NEDD1: variants seen among roughly 807,000 people sequenced by gnomAD.
The protein encoded by NEDD1 is NEDD1 gamma-tubulin ring complex targeting factor.
In NEDD1, 33 loss-of-function variants were observed where a neutral mutation model predicts 74.0. That is an observed-to-expected ratio of 0.45 (90% CI 0.34 to 0.60). The LOEUF (loss-of-function observed/expected upper bound fraction) is 0.60, where lower values mean the gene tolerates loss of function less well. Among genes scored for constraint, NEDD1 ranks in the 20% least tolerant of loss-of-function variants. The probability of loss-of-function intolerance (pLI) is 0.01; values close to 1 mark genes in which losing one functional copy is unlikely to be tolerated. For missense variants in NEDD1, 746 were observed against 776.5 expected (o/e 0.96, Z 0.47); for synonymous variants, 250 against 264.4 (o/e 0.95, Z 0.53).
At chr12:96,942,367 T>TA (rs1482175096) in intron 10 of NEDD1, among the ~76,000 whole-genome samples, 2 of 152,108 alleles carry the variant, frequency 1.3e-5, no homozygotes, top group African/African-American at 4.8e-5. Context: ...ACTATAGAAT[T>TA]ATCTGTTCAT....
intron 9 of NEDD1, among the ~76,000 whole-genome samples, chr12:96,939,282 A>T (rs545260891): frequency 3.9e-4 from 59 of 152,128 alleles, no homozygotes; most frequent in Middle Eastern, 3.4e-3. Flanking sequence ...TTTTCAAATG[A>T]TACCAAACTT....
chr12:96,935,170 T>C lies in NEDD1; in HGVS notation c.684T>C (p.Asp228=), dbSNP rs1876963599. ...TGCTCTTTGTAACCATAGGCTTGGA[T>C]AAAAGAATCATCCTCTATGACACTT... ...NELLFVTIGL[D]KRIILYDTSS... The change falls in exon 7 of 16, where the codon GAT becomes GAC. Residue 228 remains aspartate (D), a synonymous_variant. Coordinates refer to ENST00000266742, the MANE Select transcript of NEDD1 (RefSeq NM_152905.4). The C allele has an allele frequency of 6.8e-6, 11 of 1,609,162 alleles. No homozygotes were observed. In the East Asian group the frequency reaches 2.5e-4, roughly 36 times the overall value.
chr12:96,914,749 A>G (rs1874268895), intron 4 of NEDD1, among the ~76,000 whole-genome samples: 1 of 152,130 alleles, frequency 6.6e-6, no homozygotes, highest in South Asian at 2.1e-4. Flanking sequence ...CACCTCTTTA[A>G]AGTAGAATGT....
Position 96,935,199 on chromosome 12 carries a change from G to T in NEDD1, c.713G>T (p.Ser238Ile). ...AGAATCATCCTCTATGACACTTCAA[G>T]TAAGAAGTAAGTGTGACATGCTTAT... ...DKRIILYDTS[S>I]KKLVKTLVAD... The change falls in exon 7 of 16, where the codon AGT (serine) becomes ATT (isoleucine). Residue 238 changes from serine (S) to isoleucine (I), a missense_variant. Transcript: ENST00000266742. 1.3e-6 allele frequency: 2 copies of T among 1,506,716 alleles called. No homozygotes were observed. The highest frequency in any genetic ancestry group is 3.3e-5 in the Admixed American group (2 of 59,898). The allele number at this position is 1,506,716 out of a possible 1,614,324, so 93.3% of individuals were successfully genotyped here. A position where few individuals can be genotyped will look rare whatever the true frequency, so the allele number is the denominator to read the frequency against.
chr12:96,951,198 C>G (rs1878672816), intron 14 of NEDD1, among the ~76,000 whole-genome samples: 1 of 151,726 alleles, frequency 6.6e-6, no homozygotes, highest in South Asian at 2.1e-4. Context: ...TAAAATGGAC[C>G]TGTAATAATT....
At position 96,937,270 on chromosome 12, in the gene NEDD1, A is replaced by G. The variant is rs2136590989; in HGVS notation, c.994A>G (p.Ser332Gly). The G allele has an allele frequency of 1.2e-6, 2 of 1,612,642 alleles. No individual in the cohort carries two copies. Among genetic ancestry groups the G allele is most frequent in the Non-Finnish European group, 1.7e-6 (2 of 1,178,832 alleles). The change falls in exon 9 of 16, where the codon AGT (serine) becomes GGT (glycine). Residue 332 changes from serine (S) to glycine (G), a missense_variant. By Grantham distance (56) the Ser-to-Gly change is moderately conservative. Around this residue, in one of 3 missense-constraint regions of NEDD1, gnomAD observed 706 missense variants for 706.7 expected, o/e 1.00. Coordinates refer to ENST00000266742, the MANE Select transcript of NEDD1 (RefSeq NM_152905.4). ...NKRSVNVNAASGGVQNSGIVR... is the reference protein window; with the variant it reads ...NKRSVNVNAAGGGVQNSGIVR... ...ACGAAGTGTTAATGTGAATGCTGCT[A>G]GTGGAGGAGTTCAGAATTCCGGAAT...
chr12:96,939,860 A>G (rs1448397758), intron 9 of NEDD1, among the ~76,000 whole-genome samples: 1 of 151,968 alleles, frequency 6.6e-6, no homozygotes, highest in African/African-American at 2.4e-5. Flanking sequence ...GTCATTTGAG[A>G]TCTGTAATGC....
chr12:96,939,705 A>C (rs888528765), intron 9 of NEDD1, among the ~76,000 whole-genome samples: 1 of 152,040 alleles, frequency 6.6e-6, no homozygotes, highest in African/African-American at 2.4e-5. Flanking sequence ...GCTCCTCTTA[A>C]AAGGTCCCTA....
intron 6 of NEDD1, among the ~76,000 whole-genome samples, 163 bp from the exon 7 acceptor site, chr12:96,934,813 C>T (rs1876918055): frequency 1.3e-5 from 2 of 152,146 alleles, no homozygotes; most frequent in African/African-American, 2.4e-5. Flanking sequence ...GCTGGGATTA[C>T]AGGCGTGAGC....
chr12:96,945,621 A>G (rs1878115593), intron 13 of NEDD1, 72 bp from the exon 14 acceptor site: 2 of 971,214 alleles, frequency 2.1e-6, no homozygotes, highest in East Asian at 2.5e-5. Context: ...CACATGCCAA[A>G]TCTTATTTAG....
chr12:96,952,166 A>G lies in NEDD1; in HGVS notation c.*113A>G. The stretch of plus-strand genomic sequence containing the variant: ...CCAGGGAAAAAATGTTTTTCAAGTA[A>G]GAGTAAAAGGATGATGGGATTTTAT... On this transcript the variant is annotated 3_prime_UTR_variant, in exon 16 of 16. Coordinates refer to ENST00000266742, the MANE Select transcript of NEDD1 (RefSeq NM_152905.4). 1.6e-6 allele frequency: 1 copy of G among 643,160 alleles called. No homozygotes were observed. Among genetic ancestry groups the G allele is most frequent in the Non-Finnish European group, 2.8e-6 (1 of 362,064 alleles). 39.8% of individuals were successfully genotyped at this position (643,160 alleles called of 1,614,324 possible). A position where few individuals can be genotyped will look rare whatever the true frequency, so the allele number is the denominator to read the frequency against.
chr12:96,927,953 A>G (rs1476140262), intron 6 of NEDD1, among the ~76,000 whole-genome samples: 3 of 152,088 alleles, frequency 2.0e-5, no homozygotes, highest in African/African-American at 4.8e-5. Context: ...TTGATTCTCT[A>G]TATATTTCTG....
At chr12:96,940,924 C>T (rs1866078047) in intron 10 of NEDD1, among the ~76,000 whole-genome samples, 1 of 151,964 alleles carries the variant, frequency 6.6e-6, no homozygotes. Context: ...TATAGGTGTA[C>T]ACCTCCCACC....
At chr12:96,912,652 C>T (rs1046812111) in intron 3 of NEDD1, 71 bp from the exon 4 acceptor site, 15 of 750,042 alleles carry the variant, frequency 2.0e-5, no homozygotes, top group Non-Finnish European at 2.8e-5. Context: ...CTTTTATAAT[C>T]GCAATTCTTA....
intron 5 of NEDD1, among the ~76,000 whole-genome samples, chr12:96,918,833 T>C (rs1305349495): frequency 6.6e-6 from 1 of 152,174 alleles, no homozygotes; most frequent in African/African-American, 2.4e-5. Context: ...ATTTCCCAAA[T>C]GGGAACGATA....
chr12:96,909,468 A>G lies in NEDD1; in HGVS notation c.-8-284A>G, dbSNP rs115330326. On this transcript the variant is annotated intron_variant, in intron 2 of 15. Transcript: ENST00000266742. ...CTTTGCATGAGGCAGAGAGAAGGCC[A>G]GTGAAAAGAAAGAGGAGAGTTACAT... 9.6e-3 allele frequency among the ~76,000 whole-genome samples: 1,460 copies of G among 152,278 alleles called. 22 individuals are homozygous for G. Among genetic ancestry groups the G allele is most frequent in the African/African-American group, 0.032 (1,309 of 41,544 alleles).
At chr12:96,921,218 G>T (rs1258637978) in intron 6 of NEDD1, among the ~76,000 whole-genome samples, 1 of 152,140 alleles carries the variant, frequency 6.6e-6, no homozygotes, top group Non-Finnish European at 1.5e-5. Context: ...GTCTCGCTCA[G>T]CTGCCCAGGC....
At chr12:96,917,824 A>G (rs947422471) in intron 5 of NEDD1, 87 bp downstream of exon 5, 7 of 1,395,130 alleles carry the variant, frequency 5.0e-6, no homozygotes, top group Non-Finnish European at 6.6e-6. Flanking sequence ...TTGAGCTTTT[A>G]TGATAAAAAT....
At chr12:96,937,091 G>A in intron 8 of NEDD1, 107 bp from the exon 9 acceptor site, 1 of 639,786 alleles carries the variant, frequency 1.6e-6, no homozygotes, top group Non-Finnish European at 2.4e-6. Flanking sequence ...CTTAAGATTT[G>A]CAAGGAAAAA....
Sources: gnomAD v4.1 joint callset for allele counts (sites outside exome capture counted in the v4.1 genomes callset) on GRCh38, gnomAD v4.1.1 for gene constraint, gnomAD v4.1.1 regional missense constraint, MANE v1.5 for transcripts, NCBI Gene and HGNC (gene_info 2026-07-23, HGNC 2026-07-21) for gene names.